AP3B2: variants seen among roughly 807,000 people sequenced by gnomAD.
AP3B2 encodes adaptor related protein complex 3 subunit beta 2, also known as AP-3 complex subunit beta-2.
A neutral mutation model predicts 126.9 loss-of-function variants in AP3B2; 50 were observed. That is an observed-to-expected ratio of 0.39 (90% CI 0.31 to 0.50). AP3B2 has a LOEUF of 0.50. Among genes scored for constraint, AP3B2 ranks in the 20% least tolerant of loss-of-function variants. The probability of loss-of-function intolerance (pLI) is 0.79; values close to 1 mark genes in which losing one functional copy is unlikely to be tolerated. For synonymous variants in AP3B2, 541 were observed against 565.0 expected, an observed-to-expected ratio of 0.96 and a Z score of 0.60; for missense variants, 1,177 against 1,426.4, an observed-to-expected ratio of 0.83 and a Z score of 2.82.
chr15:82,707,549 C>T (rs910003817), intron 1 of AP3B2, among the ~76,000 whole-genome samples: 1 of 152,188 alleles, frequency 6.6e-6, no homozygotes, highest in Non-Finnish European at 1.5e-5. Context: ...CACTGTTTCT[C>T]CAAACCATTA....
At position 82,662,525 on chromosome 15, in the gene AP3B2, G is replaced by T; in HGVS notation, c.2833+169C>A. On this transcript the variant is annotated intron_variant, in intron 23 of 26. Coordinates refer to ENST00000535359, the MANE Select transcript of AP3B2 (RefSeq NM_001278512.2). The stretch of plus-strand genomic sequence containing the variant: ...GCACCTCCCGCCCTGATGTGAACTT[G>T]CTTATTTCATCATCTGTCTTGTCCA... 5 of 738,616 alleles carry T rather than the reference G, an allele frequency of 6.8e-6. No homozygotes were observed. The South Asian group carries it at 7.5e-5, about 11-fold the overall frequency. The allele number at this position is 738,616 out of a possible 1,614,324, so 45.8% of individuals were successfully genotyped here.
intron 14 of AP3B2, among the ~76,000 whole-genome samples, chr15:82,672,775 G>A (rs1424422509): frequency 3.3e-5 from 5 of 152,088 alleles, no homozygotes; most frequent in East Asian, 3.8e-4. Context: ...AAAAGAAGAC[G>A]GTCTTGCTAG....
chr15:82,689,723 T>C (rs898466903), intron 1 of AP3B2: 1 of 461,366 alleles, frequency 2.2e-6, no homozygotes, highest in South Asian at 2.5e-5. Context: ...TATTTGGAAA[T>C]AGAGTTGTTG....
At chr15:82,662,986 TCC>T in intron 22 of AP3B2, 64 bp from the exon 23 acceptor site, 1 of 1,552,156 alleles carries the variant, frequency 6.4e-7, no homozygotes, top group East Asian at 2.3e-5. Flanking sequence ...CCCAGCATTG[TCC>T]CCTAGGGCCA....
intron 3 of AP3B2, 88 bp from the exon 4 acceptor site, chr15:82,688,919 A>G: frequency 7.8e-7 from 1 of 1,289,160 alleles, no homozygotes; most frequent in Non-Finnish European, 1.1e-6. Context: ...CTCCCCAGCC[A>G]GCTGCGGTCC....
At chr15:82,695,853 T>TA (rs1182564441) in intron 1 of AP3B2, among the ~76,000 whole-genome samples, 1 of 152,098 alleles carries the variant, frequency 6.6e-6, no homozygotes, top group Non-Finnish European at 1.5e-5. Flanking sequence ...GCCCTTAACC[T>TA]AAAAAATCTA....
chr15:82,678,250 AC>A, intron 10 of AP3B2, 83 bp from the exon 11 acceptor site: 2 of 1,304,512 alleles, frequency 1.5e-6, no homozygotes, highest in Non-Finnish European at 2.2e-6. Context: ...CACTTCATAG[AC>A]CAGAAAACAA....
At position 82,661,825 on chromosome 15, in the gene AP3B2, C is replaced by G. The variant is rs1266602073; in HGVS notation, c.3016G>C (p.Gly1006Arg). 10 of 1,611,730 alleles carry G rather than the reference C, an allele frequency of 6.2e-6. No individual in the cohort carries two copies. The highest frequency in any genetic ancestry group is 8.5e-6 in the Non-Finnish European group (10 of 1,178,914). Residue 1006 changes from glycine to arginine, a missense_variant and splice_region_variant, in exon 25 of 27, where the codon GGA (glycine) becomes CGA (arginine). This residue lies in a region of AP3B2 where 587 missense variants were observed against 571.3 expected (regional missense o/e 1.03). Transcript: ENST00000535359. ...CTGCCCACTCCCAGGGAGCACTCACCCTGTTCCTTCTTAAACTCATTTTCA... is the reference window on the plus strand; with the variant it reads ...CTGCCCACTCCCAGGGAGCACTCACGCTGTTCCTTCTTAAACTCATTTTCA... ...MSENEFKKEQGKLMGMNEITE... is the reference protein window; with the variant it reads ...MSENEFKKEQRKLMGMNEITE...
Position 82,664,426 on chromosome 15 carries a change from G to A in AP3B2, c.2202C>T (p.Ser734=). 2 of 1,613,864 alleles carry A rather than the reference G, an allele frequency of 1.2e-6. No homozygotes were observed. Among genetic ancestry groups the A allele is most frequent in the South Asian group, 1.1e-5 (1 of 91,080 alleles). The change falls in exon 19 of 27, where the codon AGC becomes AGT. Residue 734 remains serine, a synonymous_variant. Coordinates refer to ENST00000535359, the MANE Select transcript of AP3B2 (RefSeq NM_001278512.2). This position sits in a 1 kb window ranked among gnomAD's most constrained non-coding sequence, Gnocchi z 4.5. ...SSSESGSGES[S]SESDNEDQDE... ...CCTGGTCTTCATTGTCGGACTCACT[G>A]CTGGACTCCCCAGAGCCGCTCTCAC...
intron 4 of AP3B2, chr15:82,688,518 C>T: frequency 1.4e-6 from 1 of 702,896 alleles, no homozygotes; most frequent in Non-Finnish European, 2.6e-6. Context: ...GAGACAGGGG[C>T]CCTGGGTACC....
chr15:82,691,576 G>A, intron 1 of AP3B2: 1 of 546,794 alleles, frequency 1.8e-6, no homozygotes, highest in Non-Finnish European at 2.7e-6. Context: ...GGCCCTGGTA[G>A]AAAGTATGTA....
At chr15:82,683,818 G>T (rs1267745138) in intron 4 of AP3B2, among the ~76,000 whole-genome samples, 13 of 152,194 alleles carry the variant, frequency 8.5e-5, no homozygotes. Flanking sequence ...ATAGGCTGCA[G>T]AACTGATTTT....
At chr15:82,689,282 G>A (rs746833152) in intron 2 of AP3B2, 50 bp from the exon 3 acceptor site, 4 of 1,612,122 alleles carry the variant, frequency 2.5e-6, no homozygotes, top group Non-Finnish European at 2.5e-6. Flanking sequence ...GAGAGGCACA[G>A]CACTAACTAG....
chr15:82,664,819 T>C lies in AP3B2; in HGVS notation c.2137+16A>G. 7 of 1,558,808 alleles carry C rather than the reference T, an allele frequency of 4.5e-6. No individual in the cohort carries two copies. The highest frequency in any genetic ancestry group is 5.2e-6 in the Non-Finnish European group (6 of 1,143,444). On this transcript the variant is annotated intron_variant, in intron 18 of 26. Coordinates refer to ENST00000535359, the MANE Select transcript of AP3B2 (RefSeq NM_001278512.2). This position sits in a 1 kb window ranked among gnomAD's most constrained non-coding sequence, Gnocchi z 4.5. ...TGGGCAGAGCACAGAGGACCCCAGC[T>C]CTGCCATCTGCTCACCACTGTCTGC... is the stretch of plus-strand genomic sequence containing the variant.
intron 14 of AP3B2, among the ~76,000 whole-genome samples, chr15:82,670,348 G>A (rs1271911738): frequency 6.6e-6 from 1 of 152,086 alleles, no homozygotes; most frequent in African/African-American, 2.4e-5. Context: ...GACTTCAGGT[G>A]ATCCACCAGC....
Position 82,659,460 on chromosome 15 carries a change from G to A in AP3B2, c.*100C>T. The stretch of plus-strand genomic sequence containing the variant: ...ACACCCTGAATGCTATCTGGCATGA[G>A]GAGGATGATGAGAGAGAGAGAGAAA... On this transcript the variant is annotated 3_prime_UTR_variant, in exon 27 of 27. Coordinates refer to ENST00000535359, the MANE Select transcript of AP3B2 (RefSeq NM_001278512.2). 6.7e-7 allele frequency: 1 copy of A among 1,482,034 alleles called. No individual in the cohort carries two copies. Among genetic ancestry groups the A allele is most frequent in the Non-Finnish European group, 9.2e-7 (1 of 1,084,950 alleles). The allele number at this position is 1,482,034 out of a possible 1,614,324, so 91.8% of individuals were successfully genotyped here.
chr15:82,679,711 C>T lies in AP3B2; in HGVS notation c.1182+18G>A. On this transcript the variant is annotated intron_variant, in intron 10 of 26. Coordinates refer to ENST00000535359, the MANE Select transcript of AP3B2 (RefSeq NM_001278512.2). ...TGGGGAGGGCTGGGAAGCACATGCACTTCTGTCCCTCACTCACCTTCAGGA... is the reference window on the plus strand; with the variant it reads ...TGGGGAGGGCTGGGAAGCACATGCATTTCTGTCCCTCACTCACCTTCAGGA... 6.2e-7 allele frequency: 1 copy of T among 1,610,478 alleles called. No individual in the cohort carries two copies. Among genetic ancestry groups the T allele is most frequent in the Non-Finnish European group, 8.5e-7 (1 of 1,176,726 alleles).
chr15:82,680,268 G>T lies in AP3B2; in HGVS notation c.1056-39C>A, dbSNP rs2048313083. ...GGGTCAGAGCACCCCGGGCCCCTCG[G>T]TTGGGGCAAGGGTCAGCGGATGAGG... On this transcript the variant is annotated intron_variant, in intron 8 of 26. Coordinates refer to ENST00000535359, the MANE Select transcript of AP3B2 (RefSeq NM_001278512.2). The surrounding 1 kb of genome is among the most constrained non-coding windows in gnomAD (Gnocchi z 6.1). 1.2e-6 allele frequency: 2 copies of T among 1,612,962 alleles called. No homozygotes were observed. The highest frequency in any genetic ancestry group is 1.7e-6 in the Non-Finnish European group (2 of 1,179,602).
In AP3B2 at chr15:82,662,048, G is replaced by A. The variant is rs1371153889; in HGVS notation, c.2918+120C>T. Reference sequence around the variant, plus strand: ...AGGTCAGGAATGAGGGCCTGAGATGGCTTCCAGACCCACCCAATCATGATG... The same window carrying A: ...AGGTCAGGAATGAGGGCCTGAGATGACTTCCAGACCCACCCAATCATGATG... On this transcript the variant is annotated intron_variant, in intron 24 of 26. Coordinates refer to ENST00000535359, the MANE Select transcript of AP3B2 (RefSeq NM_001278512.2). 6.2e-6 allele frequency: 8 copies of A among 1,291,018 alleles called. No homozygotes were observed. In the Admixed American group the frequency reaches 1.4e-4, roughly 22 times the overall value. 80.0% of individuals were successfully genotyped at this position (1,291,018 alleles called of 1,614,324 possible).
Sources: allele counts gnomAD v4.1 joint callset (sites outside exome capture counted in the v4.1 genomes callset), GRCh38; gene constraint gnomAD v4.1.1; regional missense constraint gnomAD v4.1.1; non-coding constraint Gnocchi (gnomAD v3.1); transcripts MANE v1.5; gene names NCBI Gene and HGNC (gene_info 2026-07-23, HGNC 2026-07-21).